The following FAM193A variants were observed in gnomAD, a reference collection of about 807,000 sequenced individuals.
FAM193A encodes the protein protein FAM193A.
In FAM193A, 22 loss-of-function variants were observed where a neutral mutation model predicts 126.5. That is an observed-to-expected ratio of 0.17 (90% CI 0.12 to 0.25). FAM193A has a LOEUF of 0.25. FAM193A is among the 10% of genes least tolerant of loss of function. FAM193A has a pLI of 1.00. For synonymous variants in FAM193A, 761 were observed against 646.8 expected, an observed-to-expected ratio of 1.18 and a Z score of -2.68; for missense variants, 1,675 against 1,672.8, an observed-to-expected ratio of 1.00 and a Z score of -0.02.
At chr4:2,673,900 A>T (rs1228267758) in intron 13 of FAM193A, among the ~76,000 whole-genome samples, 1 of 152,170 alleles carries the variant, frequency 6.6e-6, no homozygotes, top group Non-Finnish European at 1.5e-5. Flanking sequence ...GAAATTAGAG[A>T]TCTATATATG....
At chr4:2,722,872 A>G (rs1374763905) in intron 20 of FAM193A, among the ~76,000 whole-genome samples, 2 of 152,244 alleles carry the variant, frequency 1.3e-5, no homozygotes, top group Non-Finnish European at 2.9e-5. Flanking sequence ...CACATTGCCC[A>G]GGCTGGTCTG....
chr4:2,681,986 G>GTT (rs1491028790), intron 13 of FAM193A, among the ~76,000 whole-genome samples: 10 of 120,068 alleles, frequency 8.3e-5, no homozygotes, highest in African/African-American at 2.7e-4. Context: ...TTTTTTTTTT[G>GTT]GTTTTTTTTT....
At chr4:2,717,316 C>T (rs185697196) in intron 20 of FAM193A, among the ~76,000 whole-genome samples, 11 of 152,198 alleles carry the variant, frequency 7.2e-5, no homozygotes, top group Admixed American at 1.3e-4. Context: ...CTAGAGGCTG[C>T]GCCTGGTGGC....
intron 12 of FAM193A, among the ~76,000 whole-genome samples, chr4:2,668,116 G>C (rs992543148): frequency 3.3e-5 from 5 of 151,570 alleles, no homozygotes; most frequent in African/African-American, 1.2e-4. Context: ...TGTTGCCCAA[G>C]TTTGTCTCAA....
chr4:2,714,676 G>A (rs1046641599), intron 19 of FAM193A, among the ~76,000 whole-genome samples: 4 of 152,198 alleles, frequency 2.6e-5, no homozygotes, highest in Admixed American at 2.6e-4. Flanking sequence ...GCCTGGTGCT[G>A]TGTGAGTTGT....
At chr4:2,653,499 A>G (rs199525231) in intron 7 of FAM193A, among the ~76,000 whole-genome samples, 2 of 151,976 alleles carry the variant, frequency 1.3e-5, no homozygotes, top group Non-Finnish European at 2.9e-5. Flanking sequence ...GCTGGAGTGC[A>G]GTGGTGTGAT....
At chr4:2,669,016 T>C (rs1713480284) in intron 12 of FAM193A, among the ~76,000 whole-genome samples, 1 of 151,962 alleles carries the variant, frequency 6.6e-6, no homozygotes, top group South Asian at 2.1e-4. Context: ...CTAATTTTTG[T>C]ATTTTTGGTG....
In FAM193A at chr4:2,639,819, C is replaced by T. The variant is rs1157104810; in HGVS notation, c.1123C>T (p.Leu375Phe). 2 of 1,614,162 alleles carry T rather than the reference C, an allele frequency of 1.2e-6. No homozygotes were observed. Among genetic ancestry groups the T allele is most frequent in the South Asian group, 2.2e-5 (2 of 91,084 alleles). The change falls in exon 6 of 21, where the codon CTT (leucine) becomes TTT (phenylalanine). Residue 375 changes from leucine to phenylalanine, a missense_variant. By Grantham distance (22) the Leu-to-Phe change is conservative. Transcript: ENST00000637812. ...TGAAAATCTGGTCTTTTCGGAGCCA[C>T]TTCTTCAGAGCAACTTGCCCGCACT... is the stretch of plus-strand genomic sequence containing the variant. ...LFENLVFSEP[L>F]LQSNLPALVS...
rs1389230235 is a variant in FAM193A at position 2,716,212 on chromosome 4, C to T, written c.4454+108C>T. 4 of 776,912 alleles carry T rather than the reference C, an allele frequency of 5.1e-6. No individual in the cohort carries two copies. In the East Asian group the frequency reaches 7.5e-5, roughly 14 times the overall value. 48.1% of individuals were successfully genotyped at this position (776,912 alleles called of 1,614,324 possible). A position where few individuals can be genotyped will look rare whatever the true frequency, so the allele number is the denominator to read the frequency against. On this transcript the variant is annotated intron_variant, in intron 20 of 20. Transcript: ENST00000637812. ...CTAGTTGTCTTGGACGAAGTTACAT[C>T]AAGCAAGCCAGACAACATGGCTTCT...
At chr4:2,573,478 A>G (rs896985989) in intron 1 of FAM193A, among the ~76,000 whole-genome samples, 4 of 150,496 alleles carry the variant, frequency 2.7e-5, no homozygotes, top group Non-Finnish European at 5.9e-5. Context: ...GTGCCACTGC[A>G]TTCCAGCCTC....
intron 1 of FAM193A, among the ~76,000 whole-genome samples, chr4:2,550,311 G>A (rs1266570542): frequency 6.6e-6 from 1 of 152,084 alleles, no homozygotes; most frequent in East Asian, 1.9e-4. Flanking sequence ...CTCTCAAAGT[G>A]CTGGTATTAC....
chr4:2,694,393 C>T (rs115144921), intron 16 of FAM193A, among the ~76,000 whole-genome samples: 6,491 of 151,996 alleles, frequency 0.043, 429 homozygotes, highest in African/African-American at 0.14. Flanking sequence ...CCTCAGCCTC[C>T]CAAGTAGTGA....
intron 1 of FAM193A, among the ~76,000 whole-genome samples, chr4:2,545,602 G>A (rs1180303885): frequency 2.0e-5 from 3 of 152,112 alleles, no homozygotes; most frequent in Non-Finnish European, 2.9e-5. Flanking sequence ...TTTGACTTTA[G>A]TGGGTACTGC....
chr4:2,580,321 C>G (rs1485613388), intron 1 of FAM193A, among the ~76,000 whole-genome samples: 1 of 152,074 alleles, frequency 6.6e-6, no homozygotes. Flanking sequence ...ACACTGTGGC[C>G]TATCAAAGGG....
intron 20 of FAM193A, among the ~76,000 whole-genome samples, chr4:2,717,897 A>ACC (rs547207547): frequency 2.0e-5 from 3 of 151,722 alleles, no homozygotes; most frequent in African/African-American, 7.3e-5. Flanking sequence ...CAGGTGATCC[A>ACC]CCCCCCCTTG....
At chr4:2,692,931 A>G (rs937876210) in intron 15 of FAM193A, among the ~76,000 whole-genome samples, 2 of 152,160 alleles carry the variant, frequency 1.3e-5, no homozygotes, top group Middle Eastern at 3.2e-3. Context: ...AGCTCGGTAC[A>G]GTGGCTCACA....
chr4:2,625,970 C>T (rs115870179), intron 3 of FAM193A, among the ~76,000 whole-genome samples: 2,652 of 152,184 alleles, frequency 0.017, 60 homozygotes, highest in African/African-American at 0.051. Flanking sequence ...ACGATTAGCC[C>T]GTCTTCACCT....
chr4:2,689,463 G>A, intron 13 of FAM193A, 43 bp from the exon 14 acceptor site: 2 of 1,427,428 alleles, frequency 1.4e-6, no homozygotes, highest in Non-Finnish European at 1.9e-6. Flanking sequence ...TAGGTAAACA[G>A]AATATTAATT....
At chr4:2,562,277 C>T (rs181177725) in intron 1 of FAM193A, among the ~76,000 whole-genome samples, 4 of 152,088 alleles carry the variant, frequency 2.6e-5, no homozygotes, top group East Asian at 1.9e-4. Context: ...GGGAGACCCT[C>T]GTCTCTACAA....
Sources: gnomAD v4.1 joint callset for allele counts (sites outside exome capture counted in the v4.1 genomes callset) on GRCh38, gnomAD v4.1.1 for gene constraint, MANE v1.5 for transcripts, NCBI Gene and HGNC (gene_info 2026-07-23, HGNC 2026-07-21) for gene names.